Variants in ZFHX3 observed in about 807,000 individuals in gnomAD.
The protein encoded by ZFHX3 is zinc finger homeobox protein 3.
In ZFHX3, 42 loss-of-function variants were observed where a neutral mutation model predicts 279.1. The ratio of observed to expected loss-of-function variants is 0.15; its 90% CI spans 0.12 to 0.19. The LOEUF is 0.19. Ranked by LOEUF, ZFHX3 falls within the 10% of genes least tolerant of loss-of-function variation. The pLI is 1.00. For synonymous variants in ZFHX3, 2,293 were observed against 1,957.8 expected, an observed-to-expected ratio of 1.17 and a Z score of -4.52; for missense variants, 4,981 against 4,754.0, an observed-to-expected ratio of 1.05 and a Z score of -1.40.
chr16:73,669,035 T>G (rs1477236237), intron 2 of ZFHX3, among the ~76,000 whole-genome samples: 1 of 124,754 alleles, frequency 8.0e-6, no homozygotes, highest in East Asian at 2.6e-4. Context: ...TTTTCTATTT[T>G]TTTTTCTATT....
intron 2 of ZFHX3, among the ~76,000 whole-genome samples, chr16:73,508,280 T>C (rs1704977916): frequency 6.6e-6 from 1 of 152,194 alleles, no homozygotes; most frequent in Admixed American, 6.5e-5. Flanking sequence ...TGTTTAACTA[T>C]GAAATAAAGT....
intron 3 of ZFHX3, among the ~76,000 whole-genome samples, chr16:73,347,048 C>T (rs1180880191): frequency 6.6e-6 from 1 of 152,202 alleles, no homozygotes; most frequent in African/African-American, 2.4e-5. Flanking sequence ...GATCCTGGAA[C>T]TGCTAGGTGC....
At chr16:72,983,702 G>A (rs1000291111) in intron 1 of ZFHX3, among the ~76,000 whole-genome samples, 24 of 149,376 alleles carry the variant, frequency 1.6e-4, no homozygotes, top group Admixed American at 1.5e-3. Context: ...TCAAGATCTT[G>A]TCTCAGAAAA....
At chr16:73,385,506 T>C (rs991311269) in intron 3 of ZFHX3, among the ~76,000 whole-genome samples, 3 of 152,108 alleles carry the variant, frequency 2.0e-5, no homozygotes, top group African/African-American at 7.2e-5. Flanking sequence ...AACCAGCTCA[T>C]GTCAAAACAG....
chr16:73,592,086 G>C (rs960943374), intron 2 of ZFHX3, among the ~76,000 whole-genome samples: 10 of 151,942 alleles, frequency 6.6e-5, no homozygotes, highest in African/African-American at 2.4e-4. Flanking sequence ...ACAAAAATTA[G>C]CTGGGCGTGG....
At chr16:73,242,768 C>T (rs909414652) in intron 5 of ZFHX3, among the ~76,000 whole-genome samples, 1 of 152,212 alleles carries the variant, frequency 6.6e-6, no homozygotes, top group East Asian at 1.9e-4. Context: ...TAATTTCCAA[C>T]AAGCCTGTCT....
At chr16:73,123,220 A>T (rs1004919650) in intron 7 of ZFHX3, 1 of 143,502 alleles carries the variant, frequency 7.0e-6, no homozygotes, top group Admixed American at 7.0e-5. Flanking sequence ...AAAAAAAAAA[A>T]TGGCTACAGT....
At chr16:73,284,557 G>A (rs972151822) in intron 4 of ZFHX3, among the ~76,000 whole-genome samples, 3 of 152,050 alleles carry the variant, frequency 2.0e-5, no homozygotes, top group South Asian at 2.1e-4. Context: ...ATATGTCACC[G>A]AGTATGAAAT....
At chr16:73,106,236 T>C (rs1180225234) in intron 7 of ZFHX3, among the ~76,000 whole-genome samples, 2 of 152,110 alleles carry the variant, frequency 1.3e-5, no homozygotes, top group Non-Finnish European at 2.9e-5. Flanking sequence ...TGCCCACTGC[T>C]GGGTCCTAGG....
chr16:73,023,228 G>GAATA (rs952290145), intron 1 of ZFHX3, among the ~76,000 whole-genome samples: 4 of 152,074 alleles, frequency 2.6e-5, no homozygotes, highest in African/African-American at 4.8e-5. Context: ...TCTGTCTCAA[G>GAATA]AATAAATAAA....
chr16:72,985,251 G>A (rs978707840), intron 1 of ZFHX3, among the ~76,000 whole-genome samples: 1 of 151,938 alleles, frequency 6.6e-6, no homozygotes, highest in Admixed American at 6.5e-5. Context: ...ATCCAGTGAG[G>A]CTGATATCAT....
intron 1 of ZFHX3, among the ~76,000 whole-genome samples, chr16:73,739,000 T>C (rs1160459978): frequency 3.3e-5 from 5 of 152,142 alleles, no homozygotes; most frequent in Admixed American, 2.6e-4. Flanking sequence ...GTGGTTCTAA[T>C]CCATAACCCC....
At chr16:73,633,093 T>A (rs1194277767) in intron 2 of ZFHX3, among the ~76,000 whole-genome samples, 1 of 152,110 alleles carries the variant, frequency 6.6e-6, no homozygotes, top group South Asian at 2.1e-4. Flanking sequence ...AGAAAAAAAA[T>A]AAGAAAGACT....
At chr16:73,644,723 C>T (rs1211657051) in intron 2 of ZFHX3, among the ~76,000 whole-genome samples, 1 of 152,066 alleles carries the variant, frequency 6.6e-6, no homozygotes, top group Non-Finnish European at 1.5e-5. Flanking sequence ...AGACACATCC[C>T]TGCACATCTC....
At chr16:73,159,271 A>G (rs979434348) in intron 5 of ZFHX3, among the ~76,000 whole-genome samples, 4 of 152,226 alleles carry the variant, frequency 2.6e-5, no homozygotes, top group Admixed American at 2.6e-4. Flanking sequence ...AACGTGATAT[A>G]TTAGATGTAC....
chr16:73,505,661 C>T (rs2019314913), intron 2 of ZFHX3, among the ~76,000 whole-genome samples: 1 of 152,286 alleles, frequency 6.6e-6, no homozygotes, highest in South Asian at 2.1e-4. Flanking sequence ...CACTTAATGA[C>T]TCCGCAGGCT....
At chr16:73,175,596 G>A (rs1224320692) in intron 5 of ZFHX3, among the ~76,000 whole-genome samples, 1 of 152,214 alleles carries the variant, frequency 6.6e-6, no homozygotes, top group Non-Finnish European at 1.5e-5. Flanking sequence ...GTCTGGCCAT[G>A]ATAGGTGCTC....
rs567107267 is a variant in ZFHX3, at chr16:73,319,113, G to A, written c.-1290-777C>T. ...GGGGAGGGGAGGGGAGGTGTGGAAT[G>A]GGGGGGGCAGAGGACGCACAAGGAC... On this transcript the variant is annotated intron_variant, in intron 3 of 17. Transcript: ENST00000641206. Among the ~76,000 whole-genome samples the A allele has an allele frequency of 3.7e-3, 555 of 151,218 alleles. 4 individuals carry two copies. Among genetic ancestry groups the A allele is most frequent in the African/African-American group, 0.013 (520 of 41,248 alleles).
chr16:73,763,890 G>A (rs553658586), intron 1 of ZFHX3, among the ~76,000 whole-genome samples: 1 of 140,386 alleles, frequency 7.1e-6, no homozygotes, highest in East Asian at 2.0e-4. Context: ...GCGACCAAAA[G>A]GAAATGAATT....
Sources: gnomAD v4.1 joint callset for allele counts (sites outside exome capture counted in the v4.1 genomes callset) on GRCh38, gnomAD v4.1.1 for gene constraint, MANE v1.5 for transcripts, NCBI Gene and HGNC (gene_info 2026-07-23, HGNC 2026-07-21) for gene names.